CLEC7A: variants seen among roughly 807,000 people sequenced by gnomAD.
The protein encoded by CLEC7A is C-type lectin domain family 7 member A.
A neutral mutation model predicts 26.9 loss-of-function variants in CLEC7A; 25 were observed. The ratio of observed to expected loss-of-function variants is 0.93; its 90% CI spans 0.68 to 1.30. The LOEUF (loss-of-function observed/expected upper bound fraction) is 1.30, where lower values mean the gene tolerates loss of function less well. Among genes scored for constraint, CLEC7A ranks in the 50% most tolerant of loss-of-function variants. The pLI is 0.00. For synonymous variants in CLEC7A, 100 were observed against 99.5 expected, an observed-to-expected ratio of 1.01 and a Z score of -0.03; for missense variants, 275 against 286.7, an observed-to-expected ratio of 0.96 and a Z score of 0.29.
Position 10,118,228 on chromosome 12 carries a change from ATT to A in CLEC7A, c.*228_*229del. The A allele has an allele frequency of 2.1e-6, 1 of 477,454 alleles. No homozygotes were observed. Among genetic ancestry groups the A allele is most frequent in the Non-Finnish European group, 3.6e-6 (1 of 274,052 alleles). 29.6% of individuals were successfully genotyped at this position (477,454 alleles called of 1,614,324 possible). ...TAAAAACTCAAGCTTGGCTGCCCTG[ATT>A]CCATGTCTAGGGATCTACTAACTAG... On this transcript the variant is annotated 3_prime_UTR_variant, in exon 6 of 6. Coordinates refer to ENST00000304084, the MANE Select transcript of CLEC7A (RefSeq NM_197947.3).
In CLEC7A at chr12:10,126,620, T is replaced by C. The variant is rs1948293303; in HGVS notation, c.291A>G (p.Gln97=). Residue 97 remains glutamine (Q), a synonymous_variant, in exon 3 of 6, where the codon CAA becomes CAG. Transcript: ENST00000304084. The part of the protein sequence containing the change: ...RNKENHSQPT[Q]SSLEDSVTPT... ...GAGTCACACTGTCTTCTAAAGATGA[T>C]TGTGTGGGTTGACTGTGGTTCTCTT... 6.2e-7 allele frequency: 1 copy of C among 1,612,898 alleles called. No individual in the cohort carries two copies. The highest frequency in any genetic ancestry group is 1.3e-5 in the African/African-American group (1 of 74,978).
chr12:10,127,640 A>G, intron 2 of CLEC7A, 107 bp downstream of exon 2: 2 of 954,526 alleles, frequency 2.1e-6, no homozygotes, highest in Non-Finnish European at 3.3e-6. Flanking sequence ...ACCAGATTAT[A>G]TACAAATTAA....
chr12:10,123,623 C>T (rs1165588025), intron 4 of CLEC7A, among the ~76,000 whole-genome samples: 7 of 143,286 alleles, frequency 4.9e-5, no homozygotes, highest in South Asian at 4.3e-4. Flanking sequence ...TAGCCGGGCG[C>T]GGTGGCGGGC....
At chr12:10,126,534 C>G (rs764182391) in intron 3 of CLEC7A, 37 bp downstream of exon 3, 4 of 1,578,278 alleles carry the variant, frequency 2.5e-6, no homozygotes, top group Non-Finnish European at 3.4e-6. Flanking sequence ...AATTAACCCT[C>G]TTGAGTCAAG....
chr12:10,123,767 C>CA lies in CLEC7A; in HGVS notation c.493-405dup, dbSNP rs372400404. Reference sequence around the variant, plus strand: ...TGGGCGACAGAGCGAGACTCCGTCTCAAAAAAAAAAAAAAGAATGCATGCC... The same window carrying CA: ...TGGGCGACAGAGCGAGACTCCGTCTCAAAAAAAAAAAAAAAGAATGCATGCC... On this transcript the variant is annotated intron_variant, in intron 4 of 5. Transcript: ENST00000304084. Among the ~76,000 whole-genome samples the CA allele has an allele frequency of 4.3e-4, 54 of 124,682 alleles. 3 individuals are homozygous for CA. Among genetic ancestry groups the CA allele is most frequent in the African/African-American group, 1.2e-3 (28 of 22,420 alleles). The allele number at this position is 124,682 out of a possible 152,430, so 81.8% of individuals were successfully genotyped here.
intron 3 of CLEC7A, chr12:10,126,086 G>A (rs1948273075): frequency 4.6e-6 from 3 of 654,562 alleles, no homozygotes; most frequent in South Asian, 6.8e-5. Context: ...AGTTTTCAGG[G>A]ACATGTGTAT....
intron 5 of CLEC7A, among the ~76,000 whole-genome samples, chr12:10,120,697 G>A (rs1948053952): frequency 6.6e-6 from 1 of 151,232 alleles, no homozygotes; most frequent in Non-Finnish European, 1.5e-5. Flanking sequence ...CAAAGTGCTG[G>A]GATTATAGGC....
intron 1 of CLEC7A, among the ~76,000 whole-genome samples, chr12:10,128,207 AACACACACACACACACAC>A (rs71860807): frequency 5.3e-5 from 7 of 132,786 alleles, no homozygotes; most frequent in South Asian, 2.4e-4. Context: ...ACCCTGTTAA[AACACACACACACACACAC>A]ACACACACAC....
chr12:10,118,693 G>T, intron 5 of CLEC7A, 103 bp from the exon 6 acceptor site: 1 of 991,692 alleles, frequency 1.0e-6, no homozygotes, highest in Non-Finnish European at 1.5e-6. Context: ...AAAGAGTTCT[G>T]AAGTGTTTCT....
In CLEC7A at chr12:10,127,794, A is replaced by G. The variant is rs774794693; in HGVS notation, c.155T>C (p.Ile52Thr). Residue 52 changes from isoleucine to threonine, a missense_variant, in exon 2 of 6, where the codon ATC (isoleucine) becomes ACC (threonine). By Grantham distance (89) the Ile-to-Thr change is moderately conservative. Coordinates refer to ENST00000304084, the MANE Select transcript of CLEC7A (RefSeq NM_197947.3). ...PWRLIAVILG[I>T]LCLVILVIAV... The stretch of plus-strand genomic sequence containing the variant: ...TATCACCAGTATTACCAAGCATAGG[A>G]TTCCCAAAATTACAGCAATGAGGCG... 6 of 1,586,424 alleles carry G rather than the reference A, an allele frequency of 3.8e-6. No homozygotes were observed. Among genetic ancestry groups the G allele is most frequent in the South Asian group, 1.1e-5 (1 of 87,016 alleles).
Position 10,130,074 on chromosome 12 carries a change from A to G in CLEC7A, c.9T>C (p.Tyr3=), listed in dbSNP as rs769307198. 1.3e-6 allele frequency: 2 copies of G among 1,567,746 alleles called. No homozygotes were observed. The highest frequency in any genetic ancestry group is 1.8e-6 in the Non-Finnish European group (2 of 1,138,844). ME[Y]HPDLENLDED... is the part of the protein sequence containing the mutation. ...CATCCAAATTTTCTAAATCAGGATG[A>G]TATTCCATTGTTCTTGAGAGCCCCT... is the stretch of plus-strand genomic sequence containing the variant. The change falls in exon 1 of 6, where the codon TAT becomes TAC. Residue 3 remains tyrosine, a synonymous_variant. Transcript: ENST00000304084.
chr12:10,130,109 T>C lies in CLEC7A; in HGVS notation c.-27A>G, dbSNP rs750330686. 13 of 1,153,718 alleles carry C rather than the reference T, an allele frequency of 1.1e-5. No homozygotes were observed. The highest frequency in any genetic ancestry group is 8.9e-5 in the Admixed American group (5 of 56,378). The allele number at this position is 1,153,718 out of a possible 1,614,324, so 71.5% of individuals were successfully genotyped here. A position where few individuals can be genotyped will look rare whatever the true frequency, so the allele number is the denominator to read the frequency against. On this transcript the variant is annotated 5_prime_UTR_variant, in exon 1 of 6. Coordinates refer to ENST00000304084, the MANE Select transcript of CLEC7A (RefSeq NM_197947.3). ...GTTCTTGAGAGCCCCTGAATAGATA[T>C]AGCATTTGGGAGCTCTTTTCTTTCT...
At chr12:10,127,939 G>T in intron 1 of CLEC7A, 94 bp from the exon 2 acceptor site, 1 of 840,764 alleles carries the variant, frequency 1.2e-6, no homozygotes, top group Non-Finnish European at 1.9e-6. Flanking sequence ...ATCTGGCCTT[G>T]CACGGTGGCT....
At position 10,128,645 on chromosome 12, in the gene CLEC7A, C is replaced by T. The variant is rs185503141; in HGVS notation, c.104-800G>A. Among the ~76,000 whole-genome samples, 63 of 152,072 alleles carry T rather than the reference C, an allele frequency of 4.1e-4. No homozygotes were observed. In the East Asian group the frequency reaches 0.01, roughly 24 times the overall value. On this transcript the variant is annotated intron_variant, in intron 1 of 5. Transcript: ENST00000304084. ...GTAATAATATCTCAAAGGATTATTG[C>T]GGGAATTAAACGAGCTAACACATAT...
At chr12:10,121,834 C>T (rs1442031167) in intron 5 of CLEC7A, among the ~76,000 whole-genome samples, 1 of 152,000 alleles carries the variant, frequency 6.6e-6, no homozygotes. Context: ...CGGTGAAACC[C>T]CGTCTCTACT....
chr12:10,129,110 C>T (rs1565410801), intron 1 of CLEC7A, among the ~76,000 whole-genome samples: 1 of 152,160 alleles, frequency 6.6e-6, no homozygotes, highest in Non-Finnish European at 1.5e-5. Context: ...TATTTCATTT[C>T]ATTTACACTT....
At chr12:10,125,531 C>A in intron 3 of CLEC7A, 83 bp from the exon 4 acceptor site, 1 of 1,158,970 alleles carries the variant, frequency 8.6e-7, no homozygotes. Flanking sequence ...CTTAAGGACA[C>A]TTATGAAATA....
chr12:10,126,679 T>G lies in CLEC7A; in HGVS notation c.232A>C (p.Thr78Pro), dbSNP rs200850619. The change falls in exon 3 of 6, where the codon ACA becomes CCA. Residue 78 changes from threonine to proline, a missense_variant. By Grantham distance (38) the Thr-to-Pro change is conservative. Transcript: ENST00000304084. The part of the protein sequence containing the change: ...AIWRSNSGSN[T>P]LENGYFLSRN... ...GATAGAAAGTAGCCATTCTCCAATG[T>G]GTTGCTTCCTGAATTGGATCTCCAA... 7 of 1,612,164 alleles carry G rather than the reference T, an allele frequency of 4.3e-6. No individual in the cohort carries two copies. The African/African-American group carries it at 8.0e-5, about 18-fold the overall frequency.
At chr12:10,121,864 C>G (rs113132807) in intron 5 of CLEC7A, among the ~76,000 whole-genome samples, 3,209 of 152,024 alleles carry the variant, frequency 0.021, 109 homozygotes, top group African/African-American at 0.074. Flanking sequence ...AAAAATTAGC[C>G]GGGCATGGTG....
Sources: allele counts gnomAD v4.1 joint callset (sites outside exome capture counted in the v4.1 genomes callset), GRCh38; gene constraint gnomAD v4.1.1; transcripts MANE v1.5; gene names NCBI Gene and HGNC (gene_info 2026-07-23, HGNC 2026-07-21).